PIP4K2A: variants seen among roughly 807,000 people sequenced by gnomAD.
PIP4K2A encodes phosphatidylinositol 5-phosphate 4-kinase type-2 alpha.
PIP4K2A carries 14 observed loss-of-function variants against 42.9 expected under a neutral mutation model. The observed-to-expected ratio is 0.33, with a 90% CI of 0.22 to 0.51. The LOEUF (loss-of-function observed/expected upper bound fraction) is 0.51, where lower values mean the gene tolerates loss of function less well. Ranked by LOEUF, PIP4K2A falls within the 20% of genes least tolerant of loss-of-function variation. The probability of loss-of-function intolerance (pLI) is 0.97; values close to 1 mark genes in which losing one functional copy is unlikely to be tolerated. For missense variants in PIP4K2A, 434 were observed against 519.8 expected, an observed-to-expected ratio of 0.83 and a Z score of 1.61; for synonymous variants, 192 against 192.2, an observed-to-expected ratio of 1.00 and a Z score of 0.01.
At chr10:22,705,425 TTAAAAAAAAAAAAAAAAAAAAAAA>T (rs1833801870) in intron 1 of PIP4K2A, among the ~76,000 whole-genome samples, 1 of 56,876 alleles carries the variant, frequency 1.8e-5, no homozygotes, top group Non-Finnish European at 3.2e-5. Flanking sequence ...AGTACCCCAG[TTAAAAAAAAAAAAAAAAAAAAAAA>T]AAAAAAAAAA....
chr10:22,582,486 G>A (rs1017062593), intron 4 of PIP4K2A, among the ~76,000 whole-genome samples: 11 of 152,154 alleles, frequency 7.2e-5, no homozygotes, highest in Non-Finnish European at 4.4e-5. Context: ...CCTGGGCTCC[G>A]GCTTTCAGGA....
In PIP4K2A at chr10:22,601,131, A is replaced by C. The variant is rs915647176; in HGVS notation, c.339+6796T>G. ...CTGGGCAACAGAGCGAGACTGTCTC[A>C]AAAAAAAAAAAAAAAAAAAAAAAAA... On this transcript the variant is annotated intron_variant, in intron 3 of 9. Coordinates refer to ENST00000376573, the MANE Select transcript of PIP4K2A (RefSeq NM_005028.5). Among the ~76,000 whole-genome samples, 4 of 24,538 alleles carry C rather than the reference A, an allele frequency of 1.6e-4. No homozygotes were observed. The African/African-American group carries it at 1.8e-3, about 11-fold the overall frequency. 16.1% of individuals were successfully genotyped at this position (24,538 alleles called of 152,430 possible). A position where few individuals can be genotyped will look rare whatever the true frequency, so the allele number is the denominator to read the frequency against.
chr10:22,657,973 G>C (rs1839133569), intron 1 of PIP4K2A, among the ~76,000 whole-genome samples: 1 of 152,082 alleles, frequency 6.6e-6, no homozygotes. Flanking sequence ...TTTTTTTCAG[G>C]CTAGAAACCC....
At chr10:22,540,189 C>T (rs534663714) in intron 8 of PIP4K2A, 115 bp from the exon 9 acceptor site, 3 of 707,940 alleles carry the variant, frequency 4.2e-6, no homozygotes, top group South Asian at 1.6e-5. Flanking sequence ...TTCAATGGAA[C>T]GCGGATGGAA....
At chr10:22,549,473 A>C (rs1836344771) in intron 7 of PIP4K2A, among the ~76,000 whole-genome samples, 1 of 152,168 alleles carries the variant, frequency 6.6e-6, no homozygotes, top group African/African-American at 2.4e-5. Flanking sequence ...AACAGCTAAG[A>C]AAAGCTGAGT....
chr10:22,698,456 G>A (rs906736895), intron 1 of PIP4K2A, among the ~76,000 whole-genome samples: 7 of 152,138 alleles, frequency 4.6e-5, no homozygotes, highest in Non-Finnish European at 8.8e-5. Flanking sequence ...CCCAAAAAGA[G>A]AATCTCTTCT....
intron 1 of PIP4K2A, among the ~76,000 whole-genome samples, chr10:22,683,086 C>CAAA (rs1839695069): frequency 7.4e-6 from 1 of 135,106 alleles, no homozygotes; most frequent in African/African-American, 3.6e-5. Context: ...ACAACAACAA[C>CAAA]AAAAACAGCT....
At chr10:22,553,382 G>A (rs560832377) in intron 6 of PIP4K2A, among the ~76,000 whole-genome samples, 1 of 152,262 alleles carries the variant, frequency 6.6e-6, no homozygotes, top group Admixed American at 6.5e-5. Context: ...CAGGGACCAG[G>A]GGCCAGGTTC....
At chr10:22,583,226 G>T (rs1380507640) in intron 4 of PIP4K2A, among the ~76,000 whole-genome samples, 1 of 152,232 alleles carries the variant, frequency 6.6e-6, no homozygotes, top group Non-Finnish European at 1.5e-5. Context: ...AAAAAGCACA[G>T]AATGGCTGCT....
At chr10:22,704,938 C>T (rs1204663427) in intron 1 of PIP4K2A, among the ~76,000 whole-genome samples, 1 of 152,144 alleles carries the variant, frequency 6.6e-6, no homozygotes. Flanking sequence ...ATATAGCTAG[C>T]AGCTACAAAA....
At chr10:22,633,444 C>T (rs1176764801) in intron 1 of PIP4K2A, among the ~76,000 whole-genome samples, 1 of 152,168 alleles carries the variant, frequency 6.6e-6, no homozygotes, top group Non-Finnish European at 1.5e-5. Context: ...CACTTACCCA[C>T]AGTAAAAATA....
chr10:22,652,771 CT>C (rs1293645495), intron 1 of PIP4K2A, among the ~76,000 whole-genome samples: 1 of 152,214 alleles, frequency 6.6e-6, no homozygotes, highest in Non-Finnish European at 1.5e-5. Context: ...GAAAACGCTG[CT>C]CCTTGTTCTG....
intron 1 of PIP4K2A, among the ~76,000 whole-genome samples, chr10:22,613,297 G>A (rs1474136565): frequency 6.6e-6 from 1 of 152,110 alleles, no homozygotes; most frequent in Admixed American, 6.5e-5. Context: ...TAAGGAGCCT[G>A]GCAGGGAAGG....
intron 2 of PIP4K2A, among the ~76,000 whole-genome samples, chr10:22,608,713 A>G (rs1837963779): frequency 6.6e-6 from 1 of 152,176 alleles, no homozygotes; most frequent in South Asian, 2.1e-4. Flanking sequence ...TCTTTACAAA[A>G]AGTTTTTTAA....
At chr10:22,607,842 C>A in intron 3 of PIP4K2A, 85 bp downstream of exon 3, 1 of 769,580 alleles carries the variant, frequency 1.3e-6, no homozygotes, top group Middle Eastern at 2.4e-4. Flanking sequence ...CTTTTATTGA[C>A]AAAAATACAG....
chr10:22,696,389 T>C (rs1435536505), intron 1 of PIP4K2A, among the ~76,000 whole-genome samples: 1 of 152,186 alleles, frequency 6.6e-6, no homozygotes, highest in Non-Finnish European at 1.5e-5. Flanking sequence ...AGAATAGTCT[T>C]TTCTTCTTAT....
chr10:22,625,971 TTACACCAATGTCACC>T (rs1445120660), intron 1 of PIP4K2A, among the ~76,000 whole-genome samples: 2 of 152,124 alleles, frequency 1.3e-5, no homozygotes, highest in Non-Finnish European at 2.9e-5. Context: ...AGGCCTGTGC[TTACACCAATGTCACC>T]TACACAATGG....
At chr10:22,616,164 T>C (rs922022728) in intron 1 of PIP4K2A, among the ~76,000 whole-genome samples, 16 of 151,918 alleles carry the variant, frequency 1.1e-4, no homozygotes, top group African/African-American at 3.6e-4. Flanking sequence ...TCCCTGATTA[T>C]GGTATGACTC....
intron 3 of PIP4K2A, among the ~76,000 whole-genome samples, chr10:22,601,270 C>G (rs1230690402): frequency 1.3e-5 from 2 of 151,422 alleles, no homozygotes; most frequent in African/African-American, 4.8e-5. Context: ...TCAAAAGCCA[C>G]GAGGCAAAAC....
Sources: gnomAD v4.1 joint callset for allele counts (sites outside exome capture counted in the v4.1 genomes callset) on GRCh38, gnomAD v4.1.1 for gene constraint, MANE v1.5 for transcripts, NCBI Gene and HGNC (gene_info 2026-07-23, HGNC 2026-07-21) for gene names.